Variants in PCDHAC2 observed in about 807,000 individuals in gnomAD.
The protein encoded by PCDHAC2 is protocadherin alpha-C2.
Under a neutral mutation model 63.3 loss-of-function variants are expected in PCDHAC2, and 24 were observed. The ratio of observed to expected loss-of-function variants is 0.38; its 90% CI spans 0.27 to 0.53. The LOEUF (loss-of-function observed/expected upper bound fraction) is 0.53, where lower values mean the gene tolerates loss of function less well. Among genes scored for constraint, PCDHAC2 ranks in the 20% least tolerant of loss-of-function variants. PCDHAC2 has a pLI of 0.81. For synonymous variants in PCDHAC2, 569 were observed against 529.4 expected (o/e 1.07, Z -1.03); for missense variants, 1,181 against 1,275.2 (o/e 0.93, Z 1.12).
chr5:140,980,545 G>A lies in PCDHAC2; in HGVS notation c.2624+1538G>A, dbSNP rs190037193. ...CTAGGGAGGCTGAGGCAGGAGAATC[G>A]CTTGAACCCGGGAGGCGGAAGTTGC... On this transcript the variant is annotated intron_variant, in intron 2 of 3. Transcript: ENST00000289269. 4.1e-3 allele frequency among the ~76,000 whole-genome samples: 627 copies of A among 152,232 alleles called. 4 individuals are homozygous for A. Among genetic ancestry groups the A allele is most frequent in the Non-Finnish European group, 6.8e-3 (460 of 67,996 alleles).
chr5:140,978,791 A>T (rs1443899144), intron 1 of PCDHAC2, 158 bp from the exon 2 acceptor site: 1 of 976,042 alleles, frequency 1.0e-6, no homozygotes, highest in South Asian at 4.7e-5. Flanking sequence ...AAAGTGCTAT[A>T]TATGTAGATA....
rs1052880282 is a variant in PCDHAC2 at position 140,969,588 on chromosome 5, T to C, written c.2565+257T>C. On this transcript the variant is annotated intron_variant, in intron 1 of 3. Coordinates refer to ENST00000289269, the MANE Select transcript of PCDHAC2 (RefSeq NM_018899.6). ...TTGTTTGAGAAGTGAGGATTAGTCT[T>C]AATATTTAATGCTAAAACACAGATT... 31 of 849,754 alleles carry C rather than the reference T, an allele frequency of 3.6e-5. No individual in the cohort carries two copies. The African/African-American group carries it at 5.3e-4, about 15-fold the overall frequency. The allele number at this position is 849,754 out of a possible 1,614,324, so 52.6% of individuals were successfully genotyped here. A position where few individuals can be genotyped will look rare whatever the true frequency, so the allele number is the denominator to read the frequency against.
chr5:140,981,687 ATCAT>A (rs200213847), intron 2 of PCDHAC2, among the ~76,000 whole-genome samples: 197 of 152,078 alleles, frequency 1.3e-3, no homozygotes, highest in African/African-American at 4.2e-3. Context: ...CCTCCCTTCC[ATCAT>A]TCATTCATTC....
chr5:141,006,388 A>AT (rs2098271631), intron 3 of PCDHAC2, among the ~76,000 whole-genome samples: 1 of 151,322 alleles, frequency 6.6e-6, no homozygotes, highest in African/African-American at 2.4e-5. Flanking sequence ...AGTTTTTTCT[A>AT]TTTTTTAGTA....
At chr5:140,978,246 C>G (rs1243560833) in intron 1 of PCDHAC2, among the ~76,000 whole-genome samples, 1 of 152,148 alleles carries the variant, frequency 6.6e-6, no homozygotes, top group Admixed American at 6.5e-5. Context: ...TCAGCTACTC[C>G]CTGTTAAACA....
Position 140,968,339 on chromosome 5 carries a change from A to C in PCDHAC2, c.1573A>C (p.Asn525His). ...GLPVTSYVSI[N>H]SASGSLYAVN... is the part of the protein sequence containing the mutation. ...GCCAGTCACCTCCTATGTCTCCATT[A>C]ACAGTGCCAGTGGCAGCCTTTATGC... Residue 525 changes from asparagine to histidine, a missense_variant, in exon 1 of 4, where the codon AAC becomes CAC. Asn to His is a moderately conservative substitution (Grantham distance 68). Around this residue, in one of 3 missense-constraint regions of PCDHAC2, gnomAD observed 968 missense variants for 1,073.5 expected, o/e 0.90. Coordinates refer to ENST00000289269, the MANE Select transcript of PCDHAC2 (RefSeq NM_018899.6). 1 of 1,614,114 alleles carries C rather than the reference A, an allele frequency of 6.2e-7. No homozygotes were observed. Among genetic ancestry groups the C allele is most frequent in the Non-Finnish European group, 8.5e-7 (1 of 1,180,014 alleles).
Position 140,968,345 on chromosome 5 carries a change from G to A in PCDHAC2, c.1579G>A (p.Ala527Thr). 2 of 1,614,132 alleles carry A rather than the reference G, an allele frequency of 1.2e-6. No homozygotes were observed. The highest frequency in any genetic ancestry group is 8.5e-7 in the Non-Finnish European group (1 of 1,180,032). The stretch of plus-strand genomic sequence containing the variant: ...CACCTCCTATGTCTCCATTAACAGT[G>A]CCAGTGGCAGCCTTTATGCTGTCAA... ...PVTSYVSINS[A>T]SGSLYAVNSF... The change falls in exon 1 of 4, where the codon GCC (alanine) becomes ACC (threonine). Residue 527 changes from alanine (A) to threonine (T), a missense_variant. Ala to Thr is a moderately conservative substitution (Grantham distance 58). Around this residue, in one of 3 missense-constraint regions of PCDHAC2, gnomAD observed 968 missense variants for 1,073.5 expected, o/e 0.90. Transcript: ENST00000289269.
intron 3 of PCDHAC2, among the ~76,000 whole-genome samples, chr5:140,983,060 A>G (rs1460099092): frequency 6.6e-6 from 1 of 152,120 alleles, no homozygotes; most frequent in Non-Finnish European, 1.5e-5. Flanking sequence ...TATCGGAACC[A>G]AGGCATTGTT....
rs781991042 is a variant in PCDHAC2, at chr5:140,968,933, A to G, written c.2167A>G (p.Ile723Val). The part of the protein sequence containing the change: ...STVSFIFLLT[I>V]IILSIIKCYR... ...AGTGTCTTTTATATTTCTTTTGACA[A>G]TCATCATTTTGAGCATCATCAAGTG... The change falls in exon 1 of 4, where the codon ATC becomes GTC. Residue 723 changes from isoleucine to valine, a missense_variant. Ile to Val is a conservative substitution (Grantham distance 29). Transcript: ENST00000289269. 77 of 1,614,052 alleles carry G rather than the reference A, an allele frequency of 4.8e-5. No individual in the cohort carries two copies. Among genetic ancestry groups the G allele is most frequent in the Non-Finnish European group, 6.0e-5 (71 of 1,180,034 alleles).
chr5:140,985,499 C>G (rs1307302690), intron 3 of PCDHAC2, among the ~76,000 whole-genome samples: 1 of 152,170 alleles, frequency 6.6e-6, no homozygotes, highest in African/African-American at 2.4e-5. Flanking sequence ...TAGAGCCTGC[C>G]TTTCATTGAT....
intron 3 of PCDHAC2, among the ~76,000 whole-genome samples, chr5:141,007,362 G>A (rs1554261189): frequency 6.8e-6 from 1 of 146,590 alleles, no homozygotes; most frequent in Non-Finnish European, 1.5e-5. Context: ...ACCAGCCTGG[G>A]CAACATGATG....
chr5:141,005,701 CAAAAAAAAAAA>C (rs59860837), intron 3 of PCDHAC2, among the ~76,000 whole-genome samples: 24 of 7,788 alleles, frequency 3.1e-3, no homozygotes, highest in African/African-American at 7.5e-3. Flanking sequence ...AACTCCGTCT[CAAAAAAAAAAA>C]AAAAAAAAAA....
chr5:140,984,419 T>C (rs564096734), intron 3 of PCDHAC2, among the ~76,000 whole-genome samples: 5 of 152,290 alleles, frequency 3.3e-5, no homozygotes, highest in African/African-American at 9.6e-5. Context: ...TTTACAGAGA[T>C]AGAGAAGGGG....
At chr5:141,006,412 A>G (rs1423476125) in intron 3 of PCDHAC2, among the ~76,000 whole-genome samples, 7 of 151,898 alleles carry the variant, frequency 4.6e-5, no homozygotes, top group African/African-American at 1.7e-4. Flanking sequence ...ACGCGGTTTC[A>G]CTGTGTTAGC....
Position 140,966,848 on chromosome 5 carries a change from C to T in PCDHAC2, c.82C>T (p.Leu28Phe), listed in dbSNP as rs573027963. ...RPMPWLLLLPLLLLLLLLLPG... is the reference protein window; with the variant it reads ...RPMPWLLLLPFLLLLLLLLPG... ...CATGCCCTGGCTGCTGCTACTGCCT[C>T]TCCTGCTGCTGTTGCTGCTGCTGCT... The change falls in exon 1 of 4, where the codon CTC becomes TTC. Residue 28 changes from leucine to phenylalanine, a missense_variant. Transcript: ENST00000289269. 2 of 1,571,846 alleles carry T rather than the reference C, an allele frequency of 1.3e-6. No individual in the cohort carries two copies. The highest frequency in any genetic ancestry group is 2.3e-5 in the East Asian group (1 of 42,708).
Position 140,981,745 on chromosome 5 carries a change from T to C in PCDHAC2, c.2625-730T>C, listed in dbSNP as rs145941614. On this transcript the variant is annotated intron_variant, in intron 2 of 3. Coordinates refer to ENST00000289269, the MANE Select transcript of PCDHAC2 (RefSeq NM_018899.6). ...CAAATATTTGAGAGATTAATATGAG[T>C]TAGTATTAGACATACATAAATGAAT... Among the ~76,000 whole-genome samples the C allele has an allele frequency of 1.1e-3, 160 of 152,294 alleles. 1 individual carries two copies. The East Asian group carries it at 0.027, about 25-fold the overall frequency.
intron 1 of PCDHAC2, among the ~76,000 whole-genome samples, chr5:140,975,052 T>C (rs2096651440): frequency 6.6e-6 from 1 of 152,206 alleles, no homozygotes; most frequent in South Asian, 2.1e-4. Context: ...AGGAAGAATC[T>C]ACTATCGAGC....
intron 1 of PCDHAC2, 168 bp from the exon 2 acceptor site, chr5:140,978,781 A>G (rs4461687): frequency 4.1e-6 from 4 of 969,772 alleles, no homozygotes; most frequent in South Asian, 4.8e-5. Context: ...ATTTTCTTCT[A>G]AAGTGCTATA....
rs1554262721 is a variant in PCDHAC2, at chr5:141,010,165, GA to G, written c.*230del. ...TTCTCTCCACTCTGGCTTGTTTTCA[GA>G]ACCTAAAAAGCAGACCCAAGTTTCC... On this transcript the variant is annotated 3_prime_UTR_variant, in exon 4 of 4. Coordinates refer to ENST00000289269, the MANE Select transcript of PCDHAC2 (RefSeq NM_018899.6). The G allele has an allele frequency of 1.9e-6, 3 of 1,563,714 alleles. No homozygotes were observed.
Sources: gnomAD v4.1 joint callset for allele counts (sites outside exome capture counted in the v4.1 genomes callset) on GRCh38, gnomAD v4.1.1 for gene constraint, gnomAD v4.1.1 regional missense constraint, MANE v1.5 for transcripts, NCBI Gene and HGNC (gene_info 2026-07-23, HGNC 2026-07-21) for gene names.